Variants in ULK4 observed in about 807,000 individuals in gnomAD.
The protein encoded by ULK4 is unc-51 like kinase 4.
ULK4 carries 133 observed loss-of-function variants against 160.6 expected under a neutral mutation model. The ratio of observed to expected loss-of-function variants is 0.83; its 90% CI spans 0.72 to 0.96. ULK4 has a LOEUF of 0.96. Among genes scored for constraint, ULK4 ranks in the 40% least tolerant of loss-of-function variants. The probability of loss-of-function intolerance (pLI) is 0.00; values close to 1 mark genes in which losing one functional copy is unlikely to be tolerated. For synonymous variants in ULK4, 534 were observed against 539.8 expected (o/e 0.99, Z 0.15); for missense variants, 1,580 against 1,499.5 (o/e 1.05, Z -0.89).
intron 32 of ULK4, among the ~76,000 whole-genome samples, chr3:41,464,254 C>T (rs1231791192): frequency 3.3e-5 from 5 of 151,940 alleles, no homozygotes; most frequent in African/African-American, 9.7e-5. Context: ...CTGACAAATG[C>T]GAAATTATCA....
chr3:41,738,270 A>C (rs1014351488), intron 22 of ULK4, among the ~76,000 whole-genome samples: 1 of 151,998 alleles, frequency 6.6e-6, no homozygotes, highest in Non-Finnish European at 1.5e-5. Flanking sequence ...TTTAAGATGT[A>C]ATATTTCTAC....
At chr3:41,423,867 C>T (rs2082716877) in intron 34 of ULK4, among the ~76,000 whole-genome samples, 1 of 152,156 alleles carries the variant, frequency 6.6e-6, no homozygotes, top group African/African-American at 2.4e-5. Flanking sequence ...ATCTATGCGA[C>T]CCACAGATCA....
chr3:41,880,761 T>C (rs1007215708), intron 17 of ULK4, among the ~76,000 whole-genome samples: 9 of 151,976 alleles, frequency 5.9e-5, no homozygotes, highest in Non-Finnish European at 1.2e-4. Context: ...GTGTCTCTAC[T>C]AAAAATACAA....
At chr3:41,721,279 T>TG (rs1241543720) in intron 22 of ULK4, among the ~76,000 whole-genome samples, 7 of 98,914 alleles carry the variant, frequency 7.1e-5, no homozygotes, top group African/African-American at 2.2e-4. Flanking sequence ...TTTTTTTTTT[T>TG]TTTTTGGGTT....
chr3:41,595,333 T>A (rs976525326), intron 31 of ULK4, among the ~76,000 whole-genome samples: 1 of 152,024 alleles, frequency 6.6e-6, no homozygotes, highest in Non-Finnish European at 1.5e-5. Flanking sequence ...AGAACCCAAC[T>A]AGAAGCCAGT....
chr3:41,697,639 AG>A (rs2036545392), intron 27 of ULK4, among the ~76,000 whole-genome samples: 1 of 152,128 alleles, frequency 6.6e-6, no homozygotes, highest in South Asian at 2.1e-4. Flanking sequence ...CACCATGCCC[AG>A]TTAATTGTTT....
chr3:41,376,170 T>C (rs180829825), intron 35 of ULK4, among the ~76,000 whole-genome samples: 10 of 150,448 alleles, frequency 6.6e-5, no homozygotes, highest in Admixed American at 2.6e-4. Context: ...TTTACACTGT[T>C]GGTGGGAGTG....
At chr3:41,755,649 C>T (rs886189634) in intron 21 of ULK4, among the ~76,000 whole-genome samples, 3 of 152,130 alleles carry the variant, frequency 2.0e-5, no homozygotes, top group Non-Finnish European at 4.4e-5. Context: ...AACATATACA[C>T]ACATAATTCC....
chr3:41,731,357 GA>G (rs2037814913), intron 22 of ULK4, among the ~76,000 whole-genome samples: 1 of 151,658 alleles, frequency 6.6e-6, no homozygotes, highest in Admixed American at 6.6e-5. Context: ...CAAACTATCT[GA>G]AAAAAATCAA....
chr3:41,493,044 A>C (rs7620838), intron 32 of ULK4, among the ~76,000 whole-genome samples: 79,109 of 96,024 alleles, frequency 0.82, 33,720 homozygotes, highest in Non-Finnish European at 0.93. Flanking sequence ...ACAAGGATAT[A>C]CAGGAATTGA....
chr3:41,772,613 G>A (rs2039435121), intron 21 of ULK4, among the ~76,000 whole-genome samples: 1 of 152,130 alleles, frequency 6.6e-6, no homozygotes, highest in African/African-American at 2.4e-5. Context: ...AGGACCAGAT[G>A]GATTCACAGC....
intron 32 of ULK4, among the ~76,000 whole-genome samples, chr3:41,469,297 C>A (rs1293506182): frequency 6.6e-6 from 1 of 152,130 alleles, no homozygotes; most frequent in East Asian, 1.9e-4. Flanking sequence ...CCAGCCATTC[C>A]AATTAGCATC....
At chr3:41,790,996 C>A (rs1278137364) in intron 20 of ULK4, among the ~76,000 whole-genome samples, 1 of 151,694 alleles carries the variant, frequency 6.6e-6, no homozygotes, top group Non-Finnish European at 1.5e-5. Context: ...ACCTTAATAA[C>A]AAAAAGATCA....
chr3:41,558,820 C>T (rs191848904), intron 32 of ULK4, among the ~76,000 whole-genome samples: 243 of 151,734 alleles, frequency 1.6e-3, no homozygotes, highest in Non-Finnish European at 1.6e-3. Flanking sequence ...CAGATTTTAT[C>T]CCAAGTCATA....
At chr3:41,543,272 T>C (rs771179511) in intron 32 of ULK4, among the ~76,000 whole-genome samples, 7 of 152,106 alleles carry the variant, frequency 4.6e-5, no homozygotes, top group Non-Finnish European at 1.0e-4. Context: ...AGTTCACATG[T>C]CATCAAGATT....
intron 35 of ULK4, among the ~76,000 whole-genome samples, chr3:41,306,077 T>G: frequency 1.4e-5 from 2 of 144,398 alleles, no homozygotes; most frequent in African/African-American, 2.6e-5. Flanking sequence ...CCACCCAGTC[T>G]GGGAAGTGAG....
At chr3:41,790,784 G>C (rs1013658609) in intron 20 of ULK4, among the ~76,000 whole-genome samples, 1 of 152,106 alleles carries the variant, frequency 6.6e-6, no homozygotes, top group Admixed American at 6.5e-5. Flanking sequence ...GGTCAACAAA[G>C]CTAGGAACTT....
At chr3:41,775,223 A>C (rs1559544754) in intron 21 of ULK4, among the ~76,000 whole-genome samples, 1 of 150,558 alleles carries the variant, frequency 6.6e-6, no homozygotes, top group East Asian at 1.9e-4. Context: ...AATAATAATA[A>C]AAGTAATAAA....
At chr3:41,492,226 T>C (rs949097308) in intron 32 of ULK4, among the ~76,000 whole-genome samples, 24 of 152,158 alleles carry the variant, frequency 1.6e-4, no homozygotes, top group African/African-American at 5.1e-4. Context: ...GCATGATTTA[T>C]AGTCCTTTGG....
Sources: allele counts gnomAD v4.1 joint callset (sites outside exome capture counted in the v4.1 genomes callset), GRCh38; gene constraint gnomAD v4.1.1; transcripts MANE v1.5; gene names NCBI Gene and HGNC (gene_info 2026-07-23, HGNC 2026-07-21).